Variants in ACOX3 observed in about 807,000 individuals in gnomAD.
ACOX3 encodes peroxisomal acyl-coenzyme A oxidase 3.
A neutral mutation model predicts 81.5 loss-of-function variants in ACOX3; 73 were observed. The observed-to-expected ratio is 0.90, with a 90% confidence interval of 0.74 to 1.09. ACOX3 has a LOEUF of 1.09. ACOX3 is among the 50% of genes least tolerant of loss of function. The pLI is 0.00. For missense variants in ACOX3, 947 were observed against 928.0 expected (o/e 1.02, Z -0.27); for synonymous variants, 387 against 375.1 (o/e 1.03, Z -0.37).
chr4:8,426,283 T>C (rs186129721), intron 1 of ACOX3, among the ~76,000 whole-genome samples: 113 of 152,148 alleles, frequency 7.4e-4, no homozygotes, highest in African/African-American at 2.7e-3. Context: ...CACCCCTAGA[T>C]ACATACTGGG....
chr4:8,361,044 G>C, the ACOX3 span, among the ~76,000 whole-genome samples: 3 of 152,140 alleles, frequency 2.0e-5, no homozygotes, highest in African/African-American at 7.2e-5. Flanking sequence ...TGCAAGATGT[G>C]TAAGAAAAGT....
rs1057445493 is a variant in ACOX3 at position 8,406,613 on chromosome 4, G to A, written c.688-570C>T. Among the ~76,000 whole-genome samples the A allele has an allele frequency of 6.6e-6, 1 of 152,180 alleles. No homozygotes were observed. Among genetic ancestry groups the A allele is most frequent in the Admixed American group, 6.5e-5 (1 of 15,284 alleles). Reference sequence around the variant, plus strand: ...AAGACAAAGGCAGGATAAGGAGAGTGAGCCATCTCCAATGATAGGTAAGAC... The same window carrying A: ...AAGACAAAGGCAGGATAAGGAGAGTAAGCCATCTCCAATGATAGGTAAGAC... On this transcript the variant is annotated intron_variant, in intron 6 of 17. Coordinates refer to ENST00000356406, the MANE Select transcript of ACOX3 (RefSeq NM_003501.3). The surrounding 1 kb of genome is among the most constrained non-coding windows in gnomAD (Gnocchi z 5.6).
At chr4:8,367,293 A>C (rs958725612) in intron 17 of ACOX3, among the ~76,000 whole-genome samples, 1 of 152,138 alleles carries the variant, frequency 6.6e-6, no homozygotes, top group African/African-American at 2.4e-5. Flanking sequence ...CAGCCTGACC[A>C]ACATGGAGAA....
At chr4:8,411,069 G>A (rs9985917) in intron 5 of ACOX3, among the ~76,000 whole-genome samples, 2,968 of 152,334 alleles carry the variant, frequency 0.019, 108 homozygotes, top group African/African-American at 0.067. Flanking sequence ...CCCCAGGGGC[G>A]TCTGCTGGGA....
chr4:8,414,719 A>C lies in ACOX3; in HGVS notation c.453+135T>G. 1 of 822,684 alleles carries C rather than the reference A, an allele frequency of 1.2e-6. No homozygotes were observed. Among genetic ancestry groups the C allele is most frequent in the South Asian group, 1.6e-5 (1 of 62,162 alleles). 51.0% of individuals were successfully genotyped at this position (822,684 alleles called of 1,614,324 possible). A position where few individuals can be genotyped will look rare whatever the true frequency, so the allele number is the denominator to read the frequency against. Reference sequence around the variant, plus strand: ...GAACAGTGCTAGCTATTTGGTGAGAAGCCTGAGAACACTAGGAAACAAGAA... The same window carrying C: ...GAACAGTGCTAGCTATTTGGTGAGACGCCTGAGAACACTAGGAAACAAGAA... On this transcript the variant is annotated intron_variant, in intron 4 of 17. Coordinates refer to ENST00000356406, the MANE Select transcript of ACOX3 (RefSeq NM_003501.3). This position sits in a 1 kb window ranked among gnomAD's most constrained non-coding sequence, Gnocchi z 6.1.
intron 14 of ACOX3, among the ~76,000 whole-genome samples, chr4:8,375,884 A>G (rs1224370636): frequency 3.3e-5 from 5 of 152,210 alleles, no homozygotes; most frequent in Non-Finnish European, 7.3e-5. Flanking sequence ...CATGGTGTCT[A>G]TGTACCCCAT....
the ACOX3 span, chr4:8,358,440 G>A: frequency 1.4e-5 from 2 of 141,792 alleles, no homozygotes; most frequent in Admixed American, 1.6e-4. Flanking sequence ...TTGCCAATCA[G>A]GAAATTTTTG....
rs73087769 is a variant in ACOX3, at chr4:8,394,077, T to C, written c.1179+543A>G. On this transcript the variant is annotated intron_variant, in intron 10 of 17. Coordinates refer to ENST00000356406, the MANE Select transcript of ACOX3 (RefSeq NM_003501.3). The surrounding 1 kb of genome is among the most constrained non-coding windows in gnomAD (Gnocchi z 5.9). ...TTTCTCCTCTGCTTTCAAACACGGT[T>C]ATTTCTTTTGATTCACATTTCACTC... 0.013 allele frequency among the ~76,000 whole-genome samples: 1,997 copies of C among 152,334 alleles called. 47 individuals carry two copies. Among genetic ancestry groups the C allele is most frequent in the African/African-American group, 0.046 (1,899 of 41,572 alleles).
Position 8,385,149 on chromosome 4 carries a change from A to C in ACOX3, c.1538-3542T>G, listed in dbSNP as rs1718152670. Among the ~76,000 whole-genome samples the C allele has an allele frequency of 6.6e-6, 1 of 152,156 alleles. No homozygotes were observed. Among genetic ancestry groups the C allele is most frequent in the Admixed American group, 6.5e-5 (1 of 15,288 alleles). On this transcript the variant is annotated intron_variant, in intron 13 of 17. Coordinates refer to ENST00000356406, the MANE Select transcript of ACOX3 (RefSeq NM_003501.3). This position sits in a 1 kb window ranked among gnomAD's most constrained non-coding sequence, Gnocchi z 5.5. ...AGAGATTAAAGCCTAGCTCAAGGTC[A>C]CAGCGGGGGGCAGTGCTGACCCAAT... is the stretch of plus-strand genomic sequence containing the variant.
At chr4:8,364,978 C>G (rs1715332127), downstream of ACOX3, among the ~76,000 whole-genome samples, 1 of 152,104 alleles carries the variant, frequency 6.6e-6, no homozygotes. This position sits in a 1 kb window ranked among gnomAD's most constrained non-coding sequence, Gnocchi z 5.0. Flanking sequence ...CATCAGAGGA[C>G]TTGGGAGCCT....
chr4:8,367,806 C>CAAAAAAA (rs535574857), intron 17 of ACOX3, among the ~76,000 whole-genome samples: 9 of 46,696 alleles, frequency 1.9e-4, no homozygotes, highest in Non-Finnish European at 2.6e-4. Flanking sequence ...CCCATCTTTA[C>CAAAAAAA]AAAAAAAAAA....
rs770940354 is a variant in ACOX3, at chr4:8,392,365, C to T, written c.1268G>A (p.Arg423Gln). Residue 423 changes from arginine to glutamine, a missense_variant, in exon 11 of 18, where the codon CGG becomes CAG. Coordinates refer to ENST00000356406, the MANE Select transcript of ACOX3 (RefSeq NM_003501.3). ...WTTQQGIQEC[R>Q]EACGGHGYLA... ...ATAGCCGTGTCCTCCACACGCCTCCCGGCATTCCTGAATTCCTTGCTGGGT... is the reference window on the plus strand; with the variant it reads ...ATAGCCGTGTCCTCCACACGCCTCCTGGCATTCCTGAATTCCTTGCTGGGT... 10 of 1,606,214 alleles carry T rather than the reference C, an allele frequency of 6.2e-6. No homozygotes were observed. The highest frequency in any genetic ancestry group is 3.5e-5 in the Admixed American group (2 of 57,672).
chr4:8,358,265 C>T, the ACOX3 span: 1 of 152,178 alleles, frequency 6.6e-6, no homozygotes. Context: ...GACTCTGACA[C>T]CTTTTAAGGG....
chr4:8,409,167 G>A (rs1721396977), intron 6 of ACOX3, among the ~76,000 whole-genome samples: 1 of 152,184 alleles, frequency 6.6e-6, no homozygotes, highest in African/African-American at 2.4e-5. Context: ...ATAAGAACAT[G>A]AGCAACAAAA....
rs1027779535 is a variant in ACOX3 at position 8,431,536 on chromosome 4, C to G, written c.-15+9112G>C. On this transcript the variant is annotated intron_variant, in intron 1 of 17. Coordinates refer to ENST00000356406, the MANE Select transcript of ACOX3 (RefSeq NM_003501.3). The surrounding 1 kb of genome is among the most constrained non-coding windows in gnomAD (Gnocchi z 5.3). ...TGCTACACTCTGTTGTATTTGGGAC[C>G]TGGGTGGATGGAGATGCCACTGGGA... Among the ~76,000 whole-genome samples the G allele has an allele frequency of 4.6e-5, 7 of 152,220 alleles. No individual in the cohort carries two copies. Among genetic ancestry groups the G allele is most frequent in the Non-Finnish European group, 8.8e-5 (6 of 68,044 alleles).
chr4:8,389,528 A>G lies in ACOX3; in HGVS notation c.1423+84T>C. The G allele has an allele frequency of 1.9e-6, 3 of 1,586,656 alleles. No individual in the cohort carries two copies. Among genetic ancestry groups the G allele is most frequent in the Non-Finnish European group, 2.6e-6 (3 of 1,161,732 alleles). On this transcript the variant is annotated intron_variant, in intron 12 of 17. Coordinates refer to ENST00000356406, the MANE Select transcript of ACOX3 (RefSeq NM_003501.3). This position sits in a 1 kb window ranked among gnomAD's most constrained non-coding sequence, Gnocchi z 5.3. ...TGCAAACCTAGGATGCATTCACAGA[A>G]CAGCTGAATCAGTGAGGCCAGGAGA...
chr4:8,371,803 C>T (rs541372149), intron 16 of ACOX3, among the ~76,000 whole-genome samples: 4 of 152,386 alleles, frequency 2.6e-5, no homozygotes, highest in South Asian at 2.1e-4. Context: ...AGAGCACAGG[C>T]GCTGAGCCCG....
chr4:8,414,522 G>C lies in ACOX3; in HGVS notation c.454-141C>G. Reference sequence around the variant, plus strand: ...TTTCCATCTACCCAACTAGTGACTTGACTGAGTCATGCTGCCACACTCAGC... The same window carrying C: ...TTTCCATCTACCCAACTAGTGACTTCACTGAGTCATGCTGCCACACTCAGC... On this transcript the variant is annotated intron_variant, in intron 4 of 17. Coordinates refer to ENST00000356406, the MANE Select transcript of ACOX3 (RefSeq NM_003501.3). The surrounding 1 kb of genome is among the most constrained non-coding windows in gnomAD (Gnocchi z 6.1). 1 of 805,018 alleles carries C rather than the reference G, an allele frequency of 1.2e-6. No individual in the cohort carries two copies. Among genetic ancestry groups the C allele is most frequent in the Non-Finnish European group, 2.0e-6 (1 of 489,066 alleles). 49.9% of individuals were successfully genotyped at this position (805,018 alleles called of 1,614,324 possible).
At chr4:8,390,073 A>G (rs1032693197) in intron 11 of ACOX3, among the ~76,000 whole-genome samples, 50 of 141,108 alleles carry the variant, frequency 3.5e-4, no homozygotes, top group African/African-American at 1.3e-3. Context: ...ACTGCACTCC[A>G]GCCCGGGTGA....
Sources: allele counts gnomAD v4.1 joint callset (sites outside exome capture counted in the v4.1 genomes callset), GRCh38; gene constraint gnomAD v4.1.1; non-coding constraint Gnocchi (gnomAD v3.1); transcripts MANE v1.5; gene names NCBI Gene and HGNC (gene_info 2026-07-23, HGNC 2026-07-21).